NRTN: variants seen among roughly 807,000 people sequenced by gnomAD.
NRTN encodes the protein neurturin, also known as prepro-neurturin.
NRTN carries 3 observed loss-of-function variants against 7.5 expected under a neutral mutation model. The ratio of observed to expected loss-of-function variants is 0.40; its 90% CI spans 0.18 to 1.03. The LOEUF is 1.03. NRTN is among the 50% of genes least tolerant of loss of function. NRTN has a pLI of 0.34. For missense variants in NRTN, 310 were observed against 307.0 expected (o/e 1.01, Z -0.07); for synonymous variants, 157 against 146.6 (o/e 1.07, Z -0.51).
At chr19:5,824,732 T>C (rs780126628) in intron 2 of NRTN, among the ~76,000 whole-genome samples, 2 of 152,244 alleles carry the variant, frequency 1.3e-5, no homozygotes, top group South Asian at 4.1e-4. Context: ...CATTGAGCTA[T>C]GATTGCACCA....
intron 2 of NRTN, 83 bp downstream of exon 2, chr19:5,824,417 G>C (rs1489765489): frequency 6.7e-7 from 1 of 1,497,740 alleles, no homozygotes; most frequent in African/African-American, 1.4e-5. Context: ...GTGGTGGGGG[G>C]GTGTCATAGG....
intron 1 of NRTN, among the ~76,000 whole-genome samples, chr19:5,811,380 G>T (rs1196201049): frequency 6.6e-6 from 1 of 152,166 alleles, no homozygotes; most frequent in Non-Finnish European, 1.5e-5. Context: ...CACTTAGGTT[G>T]TTTGAATCTG....
Position 5,827,910 on chromosome 19 carries a change from C to A in NRTN, c.331C>A (p.Arg111Ser). The A allele has an allele frequency of 6.9e-7, 1 of 1,447,704 alleles. No individual in the cohort carries two copies. The highest frequency in any genetic ancestry group is 9.1e-7 in the Non-Finnish European group (1 of 1,100,282). The allele number at this position is 1,447,704 out of a possible 1,614,324, so 89.7% of individuals were successfully genotyped here. A position where few individuals can be genotyped will look rare whatever the true frequency, so the allele number is the denominator to read the frequency against. The change falls in exon 3 of 3, where the codon CGC becomes AGC. Residue 111 changes from arginine to serine, a missense_variant. Physicochemically the swap from Arg to Ser is moderately radical, Grantham distance 110. Coordinates refer to ENST00000303212, the MANE Select transcript of NRTN (RefSeq NM_004558.5). Reference sequence around the variant, plus strand: ...TTGCGGGCTGCGCGAGCTGGAGGTGCGCGTGAGCGAGCTGGGCCTGGGCTA... The same window carrying A: ...TTGCGGGCTGCGCGAGCTGGAGGTGAGCGTGAGCGAGCTGGGCCTGGGCTA... ...RPCGLRELEV[R>S]VSELGLGYAS...
intron 1 of NRTN, among the ~76,000 whole-genome samples, chr19:5,822,004 T>C (rs1356152489): frequency 6.6e-6 from 1 of 152,106 alleles, no homozygotes; most frequent in Non-Finnish European, 1.5e-5. Flanking sequence ...TCCCTAGCTG[T>C]AAAATGGAGA....
intron 1 of NRTN, among the ~76,000 whole-genome samples, 200 bp from the exon 2 acceptor site, chr19:5,823,568 G>T (rs367843446): frequency 6.6e-6 from 1 of 152,172 alleles, no homozygotes; most frequent in East Asian, 1.9e-4. Context: ...CCACTTCTGG[G>T]CCTGCTTATC....
intron 1 of NRTN, among the ~76,000 whole-genome samples, chr19:5,816,758 C>T (rs533307971): frequency 4.6e-5 from 7 of 152,284 alleles, no homozygotes; most frequent in African/African-American, 1.7e-4. Flanking sequence ...CTCAAGCAAT[C>T]CTCCTGCCTT....
intron 1 of NRTN, among the ~76,000 whole-genome samples, chr19:5,820,118 T>C (rs925811422): frequency 6.8e-6 from 1 of 147,450 alleles, no homozygotes. Flanking sequence ...TACAAAAATT[T>C]AGCTGGGCGT....
intron 1 of NRTN, among the ~76,000 whole-genome samples, chr19:5,822,968 G>A (rs2057030720): frequency 6.6e-6 from 1 of 151,670 alleles, no homozygotes; most frequent in Non-Finnish European, 1.5e-5. Flanking sequence ...AGGCTGCAGT[G>A]AGCTGTGATC....
At position 5,827,949 on chromosome 19, in the gene NRTN, A is replaced by C. The variant is rs1193583154; in HGVS notation, c.370A>C (p.Thr124Pro). Residue 124 changes from threonine to proline, a missense_variant, in exon 3 of 3, where the codon ACG (threonine) becomes CCG (proline). Thr to Pro is a conservative substitution (Grantham distance 38). Coordinates refer to ENST00000303212, the MANE Select transcript of NRTN (RefSeq NM_004558.5). ...ELGLGYASDE[T>P]VLFRYCAGAC... ...GGGCCTGGGCTACGCGTCCGACGAG[A>C]CGGTGCTGTTCCGCTACTGCGCAGG... The C allele has an allele frequency of 5.4e-6, 8 of 1,487,740 alleles. No homozygotes were observed. Among genetic ancestry groups the C allele is most frequent in the Non-Finnish European group, 7.1e-6 (8 of 1,124,740 alleles). The allele number at this position is 1,487,740 out of a possible 1,614,324, so 92.2% of individuals were successfully genotyped here. A position where few individuals can be genotyped will look rare whatever the true frequency, so the allele number is the denominator to read the frequency against.
chr19:5,824,413 G>A lies in NRTN; in HGVS notation c.169+79G>A, dbSNP rs544006941. On this transcript the variant is annotated intron_variant, in intron 2 of 2. Transcript: ENST00000303212. ...TCAGGCAGTGGAGTGGGAGGTGGTG[G>A]GGGGGTGTCATAGGTTTTTTAAAGA... 8.6e-6 allele frequency: 13 copies of A among 1,505,258 alleles called. No homozygotes were observed. In the South Asian group the frequency reaches 1.3e-4, roughly 15 times the overall value. The allele number at this position is 1,505,258 out of a possible 1,614,324, so 93.2% of individuals were successfully genotyped here. A position where few individuals can be genotyped will look rare whatever the true frequency, so the allele number is the denominator to read the frequency against.
intron 1 of NRTN, among the ~76,000 whole-genome samples, chr19:5,816,770 G>A (rs2057006362): frequency 1.3e-5 from 2 of 152,214 alleles, no homozygotes; most frequent in Admixed American, 6.5e-5. Context: ...TCCTGCCTTG[G>A]CCTCCCAAAG....
In NRTN at chr19:5,824,152, C is replaced by T; in HGVS notation, c.-14C>T. On this transcript the variant is annotated 5_prime_UTR_variant, in exon 2 of 3. Coordinates refer to ENST00000303212, the MANE Select transcript of NRTN (RefSeq NM_004558.5). The stretch of plus-strand genomic sequence containing the variant: ...GGGGCGTGCGGCTGACCATCCCGTG[C>T]CCGCAGGCTGAGGATGCAGCGCTGG... The T allele has an allele frequency of 6.2e-7, 1 of 1,604,782 alleles. No individual in the cohort carries two copies. The highest frequency in any genetic ancestry group is 8.5e-7 in the Non-Finnish European group (1 of 1,179,818).
At chr19:5,824,693 G>T (rs1479918815) in intron 2 of NRTN, among the ~76,000 whole-genome samples, 1 of 152,128 alleles carries the variant, frequency 6.6e-6, no homozygotes. Context: ...GAGGTGGGAG[G>T]ATCACTTGAG....
At chr19:5,812,636 C>T (rs987364309) in intron 1 of NRTN, among the ~76,000 whole-genome samples, 2 of 152,224 alleles carry the variant, frequency 1.3e-5, no homozygotes. Flanking sequence ...GGCCCAGGCC[C>T]TGGGGCCCTC....
At chr19:5,827,659 T>G in intron 2 of NRTN, 90 bp from the exon 3 acceptor site, 1 of 545,574 alleles carries the variant, frequency 1.8e-6, no homozygotes, top group African/African-American at 2.1e-5. Context: ...AGCAAGGGTC[T>G]TCGTTTGCAG....
Position 5,806,793 on chromosome 19 carries a change from G to A in NRTN, c.-399+1342G>A, listed in dbSNP as rs2056976429. Among the ~76,000 whole-genome samples the A allele has an allele frequency of 6.6e-6, 1 of 152,188 alleles. No individual in the cohort carries two copies. Among genetic ancestry groups the A allele is most frequent in the Non-Finnish European group, 1.5e-5 (1 of 68,042 alleles). On this transcript the variant is annotated intron_variant, in intron 1 of 2. Transcript: ENST00000303212. The surrounding 1 kb of genome is among the most constrained non-coding windows in gnomAD (Gnocchi z 5.4). ...ACTCCACCATCAGCACTGGCCCCTC[G>A]GCGTTTCAGGTCCCAGTTTTCAGGG...
intron 1 of NRTN, among the ~76,000 whole-genome samples, chr19:5,810,247 CAG>C (rs1270470290): frequency 1.6e-5 from 2 of 127,412 alleles, no homozygotes; most frequent in African/African-American, 6.1e-5. Context: ...AGCCTGGGGA[CAG>C]AGCAAGACTC....
chr19:5,807,166 T>C (rs2056977254), intron 1 of NRTN, among the ~76,000 whole-genome samples: 1 of 152,074 alleles, frequency 6.6e-6, no homozygotes, highest in Non-Finnish European at 1.5e-5. Flanking sequence ...CATGCAAAGA[T>C]CTGGAGGCAT....
chr19:5,828,082 C>A lies in NRTN; in HGVS notation c.503C>A (p.Thr168Lys). 6.8e-7 allele frequency: 1 copy of A among 1,480,902 alleles called. No homozygotes were observed. Among genetic ancestry groups the A allele is most frequent in the Non-Finnish European group, 8.9e-7 (1 of 1,122,698 alleles). 91.7% of individuals were successfully genotyped at this position (1,480,902 alleles called of 1,614,324 possible). Residue 168 changes from threonine to lysine, a missense_variant, in exon 3 of 3, where the codon ACG (threonine) becomes AAG (lysine). By Grantham distance (78) the Thr-to-Lys change is moderately conservative. Coordinates refer to ENST00000303212, the MANE Select transcript of NRTN (RefSeq NM_004558.5). ...CGCGCGCAGCCCTGCTGCCGCCCGA[C>A]GGCCTACGAGGACGAGGTGTCCTTC... The part of the protein sequence containing the change: ...RVRAQPCCRP[T>K]AYEDEVSFLD...
Sources: gnomAD v4.1 joint callset for allele counts (sites outside exome capture counted in the v4.1 genomes callset) on GRCh38, gnomAD v4.1.1 for gene constraint, Gnocchi (gnomAD v3.1) non-coding constraint, MANE v1.5 for transcripts, NCBI Gene and HGNC (gene_info 2026-07-23, HGNC 2026-07-21) for gene names.